NUTM2G: variants seen among roughly 807,000 people sequenced by gnomAD.
The protein encoded by NUTM2G is family with sequence similarity 22, member G.
A neutral mutation model predicts 44.3 loss-of-function variants in NUTM2G; 29 were observed. That is an observed-to-expected ratio of 0.66 (90% CI 0.49 to 0.89). The LOEUF (loss-of-function observed/expected upper bound fraction) is 0.89. Among genes scored for constraint, NUTM2G ranks in the 40% least tolerant of loss-of-function variants. The pLI is 0.00. For missense variants in NUTM2G, 502 were observed against 946.5 expected, an observed-to-expected ratio of 0.53 and a Z score of 6.16; for synonymous variants, 205 against 395.9, an observed-to-expected ratio of 0.52 and a Z score of 5.72.
rs1230409940 is a variant in NUTM2G, at chr9:96,939,018, C to G, written c.2095C>G (p.Pro699Ala). 4.1e-6 allele frequency: 6 copies of G among 1,478,984 alleles called. No homozygotes were observed. The South Asian group carries it at 7.5e-5, about 18-fold the overall frequency. The allele number at this position is 1,478,984 out of a possible 1,614,324, so 91.6% of individuals were successfully genotyped here. Residue 699 changes from proline to alanine, a missense_variant, in exon 7 of 7, where the codon CCA becomes GCA. Physicochemically the swap from Pro to Ala is conservative, Grantham distance 27. Coordinates refer to ENST00000372322, the MANE Select transcript of NUTM2G (RefSeq NM_001170741.3). ...SPSPAEKTPH[P>A]GPGLRVSGEQ... ...ATCCCCTGCTGAAAAGACACCGCAC[C>G]CAGGGCCTGGGCTCAGGGTCTCTGG...
At chr9:96,929,541 G>A (rs1826174887) in intron 1 of NUTM2G, among the ~76,000 whole-genome samples, 1 of 151,482 alleles carries the variant, frequency 6.6e-6, no homozygotes, top group Admixed American at 6.6e-5. Flanking sequence ...AGAGCATGTA[G>A]TGACAGCCTC....
At position 96,937,894 on chromosome 9, in the gene NUTM2G, G is replaced by A. The variant is rs533234971; in HGVS notation, c.1333G>A (p.Val445Ile). The change falls in exon 6 of 7, where the codon GTC (valine) becomes ATC (isoleucine). Residue 445 changes from valine to isoleucine, a missense_variant. Physicochemically the swap from Val to Ile is conservative, Grantham distance 29. Coordinates refer to ENST00000372322, the MANE Select transcript of NUTM2G (RefSeq NM_001170741.3). ...QEDFVTKVEA[V>I]IHPRFLEELL... ...TTCCTTCTGTTTCCAGGTGGAGGCCGTCATTCACCCCCGATTCCTGGAAGA... is the reference window on the plus strand; with the variant it reads ...TTCCTTCTGTTTCCAGGTGGAGGCCATCATTCACCCCCGATTCCTGGAAGA... The A allele has an allele frequency of 4.3e-5, 70 of 1,611,326 alleles. No individual in the cohort carries two copies. The highest frequency in any genetic ancestry group is 3.7e-4 in the Admixed American group (22 of 59,988).
chr9:96,937,205 T>TC lies in NUTM2G; in HGVS notation c.1130dup (p.Glu378Ter). On this transcript the variant is annotated frameshift_variant, in exon 5 of 7. Coordinates refer to ENST00000372322, the MANE Select transcript of NUTM2G (RefSeq NM_001170741.3). LOFTEE classifies it high-confidence loss of function. ...GCAGAGACCAAGGTCCCTGAGGAGA[T>TC]CCCCCCTGAAGTGGTGCAGGAGTAT... 3.1e-6 allele frequency: 5 copies of TC among 1,612,594 alleles called. No individual in the cohort carries two copies. Among genetic ancestry groups the TC allele is most frequent in the East Asian group, 2.2e-5 (1 of 44,866 alleles).
At chr9:96,940,020 G>C (rs1826557223), downstream of NUTM2G, 1 of 96,574 alleles carries the variant, frequency 1.0e-5, no homozygotes, top group Non-Finnish European at 2.0e-5. Context: ...CAACAGCTAT[G>C]ATTCCCTTCC....
At chr9:96,935,825 G>C (rs1347888395) in intron 3 of NUTM2G, among the ~76,000 whole-genome samples, 3 of 152,186 alleles carry the variant, frequency 2.0e-5, no homozygotes, top group Non-Finnish European at 4.4e-5. Context: ...GCAGTGGCCG[G>C]AAGTCGGTTT....
chr9:96,934,267 C>T (rs926575062), intron 2 of NUTM2G, among the ~76,000 whole-genome samples: 5 of 152,360 alleles, frequency 3.3e-5, no homozygotes, highest in Non-Finnish European at 5.9e-5. Flanking sequence ...TTGTTTCCCG[C>T]TGATGAGCAA....
intron 2 of NUTM2G, among the ~76,000 whole-genome samples, chr9:96,934,067 GACT>G (rs1395368821): frequency 2.0e-5 from 3 of 152,088 alleles, no homozygotes; most frequent in Non-Finnish European, 4.4e-5. Context: ...CCATTATCAG[GACT>G]AGGCCATCTA....
At chr9:96,936,310 G>C in intron 3 of NUTM2G, 115 bp from the exon 4 acceptor site, 1 of 1,527,678 alleles carries the variant, frequency 6.5e-7, no homozygotes, top group Non-Finnish European at 8.8e-7. Flanking sequence ...CCCAGTGAGG[G>C]CCTAGACAGC....
intron 2 of NUTM2G, among the ~76,000 whole-genome samples, chr9:96,933,018 C>T (rs905887883): frequency 6.7e-6 from 1 of 148,370 alleles, no homozygotes; most frequent in African/African-American, 2.5e-5. Flanking sequence ...CACTCTGTCG[C>T]CCAGGGTGGA....
chr9:96,933,031 G>A (rs1287943691), intron 2 of NUTM2G, among the ~76,000 whole-genome samples: 1 of 148,580 alleles, frequency 6.7e-6, no homozygotes, highest in Non-Finnish European at 1.5e-5. Flanking sequence ...AGGGTGGAGA[G>A]CAGTGGCGTG....
At position 96,936,515 on chromosome 9, in the gene NUTM2G, G is replaced by A. The variant is rs1322698870; in HGVS notation, c.933G>A (p.Pro311=). 7.1e-6 allele frequency: 11 copies of A among 1,552,356 alleles called. No individual in the cohort carries two copies. The highest frequency in any genetic ancestry group is 5.7e-5 in the Admixed American group (3 of 52,742). ...GPQSLPPPAP[P]RLEPRGPPAP... ...AGAGCCTGCCTCCTCCAGCCCCGCCGAGGCTTGAACCTCGAGGACCCCCTG... is the reference window on the plus strand; with the variant it reads ...AGAGCCTGCCTCCTCCAGCCCCGCCAAGGCTTGAACCTCGAGGACCCCCTG... The change falls in exon 4 of 7, where the codon CCG becomes CCA. Residue 311 remains proline (P), a synonymous_variant. Coordinates refer to ENST00000372322, the MANE Select transcript of NUTM2G (RefSeq NM_001170741.3).
downstream of NUTM2G, among the ~76,000 whole-genome samples, chr9:96,942,112 C>T (rs1017986571): frequency 2.6e-5 from 4 of 151,838 alleles, no homozygotes; most frequent in East Asian, 1.9e-4. Context: ...CACCACTGGA[C>T]GACAGATCCC....
chr9:96,933,908 A>G (rs1440370882), intron 2 of NUTM2G: 3 of 152,216 alleles, frequency 2.0e-5, no homozygotes, highest in East Asian at 3.9e-4. Context: ...CTTCACCGTC[A>G]ATCCCCCCTA....
intron 1 of NUTM2G, among the ~76,000 whole-genome samples, chr9:96,929,900 G>A (rs1826183603): frequency 2.6e-5 from 4 of 151,012 alleles, no homozygotes. Flanking sequence ...GTTCTCAGTG[G>A]AAGGCTCTGA....
Position 96,937,026 on chromosome 9 carries a change from G to A in NUTM2G, c.983-38G>A, listed in dbSNP as rs774629957. 13 of 1,539,850 alleles carry A rather than the reference G, an allele frequency of 8.4e-6. No individual in the cohort carries two copies. The South Asian group carries it at 1.4e-4, about 17-fold the overall frequency. On this transcript the variant is annotated intron_variant, in intron 4 of 6. Transcript: ENST00000372322. ...CTGTGTGGTGCAGGCAGGAGGAGCGGCCCTCACCACACCCATCCTCCTCCC... is the reference window on the plus strand; with the variant it reads ...CTGTGTGGTGCAGGCAGGAGGAGCGACCCTCACCACACCCATCCTCCTCCC...
At chr9:96,936,323 G>T in intron 3 of NUTM2G, 102 bp from the exon 4 acceptor site, 2 of 1,532,622 alleles carry the variant, frequency 1.3e-6, no homozygotes, top group South Asian at 1.2e-5. Flanking sequence ...TAGACAGCCC[G>T]CCGGAGGCAC....
At chr9:96,941,405 A>G (rs1307650828), downstream of NUTM2G, among the ~76,000 whole-genome samples, 17 of 151,268 alleles carry the variant, frequency 1.1e-4, no homozygotes, top group African/African-American at 4.1e-4. Flanking sequence ...GTGAAGCCCT[A>G]ACTCCTAACG....
Position 96,935,400 on chromosome 9 carries a change from G to T in NUTM2G, c.786G>T (p.Arg262=). The T allele has an allele frequency of 6.2e-7, 1 of 1,612,080 alleles. No individual in the cohort carries two copies. Among genetic ancestry groups the T allele is most frequent in the East Asian group, 2.2e-5 (1 of 44,884 alleles). The change falls in exon 3 of 7, where the codon CGG becomes CGT. Residue 262 remains arginine (R), a synonymous_variant. Transcript: ENST00000372322. ...AGGAGGGACTGTGGCGGGCCATGCGGGAATGGCAGCACACGAGCAACTTTG... is the reference window on the plus strand; with the variant it reads ...AGGAGGGACTGTGGCGGGCCATGCGTGAATGGCAGCACACGAGCAACTTTG... ...TLEEGLWRAM[R]EWQHTSNFDR...
chr9:96,936,363 C>A (rs1826427932), intron 3 of NUTM2G, 62 bp from the exon 4 acceptor site: 1 of 1,541,182 alleles, frequency 6.5e-7, no homozygotes, highest in Non-Finnish European at 8.7e-7. Context: ...CGGCTGCTGC[C>A]TGGTCCTGGG....
Sources: gnomAD v4.1 joint callset for allele counts (sites outside exome capture counted in the v4.1 genomes callset) on GRCh38, gnomAD v4.1.1 for gene constraint, MANE v1.5 for transcripts, NCBI Gene and HGNC (gene_info 2026-07-23, HGNC 2026-07-21) for gene names.